CDC14A: variants seen among roughly 807,000 people sequenced by gnomAD.
The protein encoded by CDC14A is cell division cycle 14A.
CDC14A carries 53 observed loss-of-function variants against 74.4 expected under a neutral mutation model. The observed-to-expected ratio is 0.71, with a 90% CI of 0.57 to 0.89. CDC14A has a LOEUF of 0.89. Ranked by LOEUF, CDC14A falls within the 40% of genes least tolerant of loss-of-function variation. The probability of loss-of-function intolerance (pLI) is 0.00; values close to 1 mark genes in which losing one functional copy is unlikely to be tolerated. For synonymous variants in CDC14A, 247 were observed against 258.4 expected (o/e 0.96, Z 0.43); for missense variants, 646 against 713.7 (o/e 0.91, Z 1.08).
chr1:100,510,808 A>T (rs2101475886), intron 15 of CDC14A, among the ~76,000 whole-genome samples: 1 of 152,192 alleles, frequency 6.6e-6, no homozygotes, highest in South Asian at 2.1e-4. Flanking sequence ...AGTGCTCCTA[A>T]TTAGTTGTTT....
chr1:100,457,590 C>A (rs1666838041), intron 8 of CDC14A, among the ~76,000 whole-genome samples: 1 of 151,242 alleles, frequency 6.6e-6, no homozygotes, highest in Non-Finnish European at 1.5e-5. Context: ...TCCCAAGTAG[C>A]TGGGACTACA....
chr1:100,462,313 C>A, intron 8 of CDC14A: 1 of 259,782 alleles, frequency 3.8e-6, no homozygotes, highest in Non-Finnish European at 7.5e-6. Context: ...ATAAAGTCAC[C>A]ATTCTAGGTC....
At chr1:100,458,955 CCTA>C (rs1667001497) in intron 8 of CDC14A, among the ~76,000 whole-genome samples, 1 of 144,152 alleles carries the variant, frequency 6.9e-6, no homozygotes, top group South Asian at 2.1e-4. Context: ...AGAGAAGAGC[CCTA>C]CTTTTTTTTG....
chr1:100,394,436 A>T (rs1007081), intron 4 of CDC14A, among the ~76,000 whole-genome samples: 51,635 of 152,000 alleles, frequency 0.34, 10,150 homozygotes, highest in East Asian at 0.51. Flanking sequence ...CCTTTTTAAC[A>T]CCTATTCTTC....
intron 15 of CDC14A, among the ~76,000 whole-genome samples, chr1:100,517,338 A>T (rs1650313112): frequency 6.6e-6 from 1 of 152,236 alleles, no homozygotes; most frequent in Non-Finnish European, 1.5e-5. Context: ...AATTTGAGAA[A>T]TAATTATTGG....
intron 15 of CDC14A, among the ~76,000 whole-genome samples, chr1:100,516,348 A>G (rs926869963): frequency 5.3e-5 from 8 of 152,134 alleles, no homozygotes; most frequent in African/African-American, 1.9e-4. Context: ...CCTATAAAAA[A>G]GTTGGTTTAA....
At chr1:100,366,902 ATTCG>A (rs1570967547) in intron 2 of CDC14A, among the ~76,000 whole-genome samples, 1 of 152,232 alleles carries the variant, frequency 6.6e-6, no homozygotes, top group African/African-American at 2.4e-5. Flanking sequence ...GGAGAGAATC[ATTCG>A]TTCATTTGTT....
intron 5 of CDC14A, among the ~76,000 whole-genome samples, chr1:100,432,099 T>G (rs921016533): frequency 6.6e-6 from 1 of 152,222 alleles, no homozygotes; most frequent in Non-Finnish European, 1.5e-5. Flanking sequence ...ATTCTGTTTT[T>G]TTGTTGTTGT....
At position 100,353,778 on chromosome 1, in the gene CDC14A, T is replaced by C. The variant is rs1381857508; in HGVS notation, c.66T>C (p.Ala22=). The change falls in exon 2 of 16, where the codon GCT becomes GCC. Residue 22 remains alanine, a synonymous_variant. Coordinates refer to ENST00000336454, the MANE Select transcript of CDC14A (RefSeq NM_003672.4). ...GTCTTTCAGATCGGTTATATTTTGCTACTTTAAGGAATAGACCAAAAAGCA... is the reference window on the plus strand; with the variant it reads ...GTCTTTCAGATCGGTTATATTTTGCCACTTTAAGGAATAGACCAAAAAGCA... ...CEFMKDRLYF[A]TLRNRPKSTV... The C allele has an allele frequency of 5.6e-6, 9 of 1,596,796 alleles. No individual in the cohort carries two copies. The Admixed American group carries it at 1.5e-4, about 27-fold the overall frequency.
chr1:100,367,122 C>A (rs1230660078), intron 2 of CDC14A, among the ~76,000 whole-genome samples: 1 of 152,156 alleles, frequency 6.6e-6, no homozygotes, highest in Non-Finnish European at 1.5e-5. Context: ...TTTAGGAGTG[C>A]ACTCAGCCCT....
chr1:100,489,579 C>G (rs941775458), intron 11 of CDC14A, among the ~76,000 whole-genome samples: 41 of 49,080 alleles, frequency 8.4e-4, no homozygotes, highest in Non-Finnish European at 2.0e-3. Flanking sequence ...GGTCATCACT[C>G]ATGTTTTTTT....
chr1:100,497,989 C>A, intron 13 of CDC14A, 96 bp from the exon 14 acceptor site: 3 of 1,348,926 alleles, frequency 2.2e-6, no homozygotes, highest in Non-Finnish European at 3.1e-6. Flanking sequence ...GTCATGATAT[C>A]TTTAAGATTG....
chr1:100,352,951 T>G lies in CDC14A; in HGVS notation c.-4T>G, dbSNP rs781417882. On this transcript the variant is annotated 5_prime_UTR_variant, in exon 1 of 16. It removes the in-frame stop codon of an upstream open reading frame in the 5' UTR. Transcript: ENST00000336454. ...AGCCCTCCCCCGTGCGTATCTCGCT[T>G]AAGATGGCAGCGGAGTCAGGGGAAC... 2 of 1,613,960 alleles carry G rather than the reference T, an allele frequency of 1.2e-6. No individual in the cohort carries two copies. Among genetic ancestry groups the G allele is most frequent in the African/African-American group, 1.3e-5 (1 of 75,032 alleles).
intron 4 of CDC14A, 118 bp from the exon 5 acceptor site, chr1:100,424,104 C>CA: frequency 1.3e-6 from 1 of 747,164 alleles, no homozygotes; most frequent in East Asian, 2.6e-5. Context: ...TTGTAAAGAT[C>CA]AACACTATCA....
At chr1:100,455,994 T>G (rs1309497678) in intron 8 of CDC14A, among the ~76,000 whole-genome samples, 1 of 152,374 alleles carries the variant, frequency 6.6e-6, no homozygotes, top group East Asian at 1.9e-4. Context: ...GATATTGTTA[T>G]CTGCATTTTA....
At chr1:100,443,029 AT>A in intron 7 of CDC14A, 33 bp downstream of exon 7, 5 of 1,379,754 alleles carry the variant, frequency 3.6e-6, no homozygotes, top group Non-Finnish European at 5.1e-6. Context: ...ACAAAACATA[AT>A]TTCATGTTGA....
intron 2 of CDC14A, among the ~76,000 whole-genome samples, chr1:100,367,845 T>G (rs1653871728): frequency 6.6e-6 from 1 of 152,214 alleles, no homozygotes; most frequent in Non-Finnish European, 1.5e-5. Context: ...CTGAGGCTCT[T>G]GCCAAAAGAG....
chr1:100,396,950 A>G (rs1658583320), intron 4 of CDC14A, among the ~76,000 whole-genome samples: 1 of 152,210 alleles, frequency 6.6e-6, no homozygotes, highest in African/African-American at 2.4e-5. Flanking sequence ...GAGATAAAAT[A>G]TAGACCAAGC....
At chr1:100,396,605 A>G (rs576007790) in intron 4 of CDC14A, among the ~76,000 whole-genome samples, 3 of 152,378 alleles carry the variant, frequency 2.0e-5, no homozygotes, top group Admixed American at 2.0e-4. Context: ...GACCAAGGGT[A>G]GTAACAAGTA....
Sources: gnomAD v4.1 joint callset for allele counts (sites outside exome capture counted in the v4.1 genomes callset) on GRCh38, gnomAD v4.1.1 for gene constraint, MANE v1.5 for transcripts, NCBI Gene and HGNC (gene_info 2026-07-23, HGNC 2026-07-21) for gene names.